Variants in PIGK observed in about 807,000 individuals in gnomAD.
The protein encoded by PIGK is phosphatidylinositol glycan anchor biosynthesis class K.
PIGK carries 42 observed loss-of-function variants against 50.6 expected under a neutral mutation model. The ratio of observed to expected loss-of-function variants is 0.83; its 90% confidence interval spans 0.65 to 1.07. PIGK has a LOEUF of 1.07. Among genes scored for constraint, PIGK ranks in the 50% least tolerant of loss-of-function variants. The pLI is 0.00. For missense variants in PIGK, 448 were observed against 488.7 expected, an observed-to-expected ratio of 0.92 and a Z score of 0.78; for synonymous variants, 151 against 156.0, an observed-to-expected ratio of 0.97 and a Z score of 0.24.
intron 3 of PIGK, among the ~76,000 whole-genome samples, chr1:77,192,937 A>C (rs1655943204): frequency 6.6e-6 from 1 of 152,144 alleles, no homozygotes; most frequent in Non-Finnish European, 1.5e-5. Flanking sequence ...TTTACTTTCT[A>C]AAACCATATC....
chr1:77,203,576 T>C (rs866836446), intron 3 of PIGK, among the ~76,000 whole-genome samples: 2 of 152,154 alleles, frequency 1.3e-5, no homozygotes, highest in Non-Finnish European at 1.5e-5. Context: ...TGAGTCAATA[T>C]TTTCAAATAT....
At chr1:77,106,809 C>A (rs1044051160) in intron 10 of PIGK, among the ~76,000 whole-genome samples, 5 of 151,860 alleles carry the variant, frequency 3.3e-5, no homozygotes, top group Admixed American at 6.6e-5. Flanking sequence ...ATTTATACAT[C>A]TCTCTCTAGC....
At chr1:77,189,486 T>C (rs1655833539) in intron 3 of PIGK, among the ~76,000 whole-genome samples, 2 of 151,770 alleles carry the variant, frequency 1.3e-5, no homozygotes, top group African/African-American at 4.8e-5. Context: ...GCTGCCAGGG[T>C]GGCTAGAATA....
chr1:77,179,736 T>A (rs567321824), intron 3 of PIGK, among the ~76,000 whole-genome samples: 1 of 152,290 alleles, frequency 6.6e-6, no homozygotes, highest in Admixed American at 6.5e-5. Flanking sequence ...GCTGAAGTTT[T>A]TCTTTTAATA....
At chr1:77,159,685 C>T (rs1369373357) in intron 8 of PIGK, among the ~76,000 whole-genome samples, 2 of 152,206 alleles carry the variant, frequency 1.3e-5, no homozygotes, top group Non-Finnish European at 2.9e-5. Context: ...GGTTTAATGA[C>T]TGCCCTATTG....
chr1:77,164,104 A>C (rs1030153409), intron 5 of PIGK, among the ~76,000 whole-genome samples, 162 bp from the exon 6 acceptor site: 1 of 152,232 alleles, frequency 6.6e-6, no homozygotes, highest in African/African-American at 2.4e-5. Context: ...TACTATGCCA[A>C]TTAAAAAGAG....
chr1:77,106,507 C>A (rs1653680937), intron 10 of PIGK, among the ~76,000 whole-genome samples: 1 of 152,068 alleles, frequency 6.6e-6, no homozygotes, highest in African/African-American at 2.4e-5. Context: ...AAAGTAGTCA[C>A]TTTCAGTCAT....
intron 3 of PIGK, among the ~76,000 whole-genome samples, chr1:77,171,060 T>TA (rs1655347339): frequency 7.0e-6 from 1 of 142,890 alleles, no homozygotes; most frequent in Non-Finnish European, 1.5e-5. Context: ...AAACTTGAGA[T>TA]CATTAATTTA....
intron 7 of PIGK, 86 bp downstream of exon 7, chr1:77,161,508 A>G: frequency 1.1e-6 from 1 of 940,024 alleles, no homozygotes; most frequent in Non-Finnish European, 1.8e-6. Flanking sequence ...AAGAAAGAAC[A>G]GATACATTCA....
intron 10 of PIGK, among the ~76,000 whole-genome samples, chr1:77,112,139 G>C (rs1406396834): frequency 6.6e-6 from 1 of 151,882 alleles, no homozygotes; most frequent in South Asian, 2.1e-4. Context: ...AGTTAACTGT[G>C]AATGTTAAAA....
At chr1:77,159,960 C>G (rs999320321) in intron 8 of PIGK, among the ~76,000 whole-genome samples, 5 of 152,150 alleles carry the variant, frequency 3.3e-5, no homozygotes, top group African/African-American at 1.2e-4. Context: ...AATAGGAGCT[C>G]TGGGAGGGGC....
intron 1 of PIGK, among the ~76,000 whole-genome samples, chr1:77,217,919 T>C (rs1656611698): frequency 6.6e-6 from 1 of 152,306 alleles, no homozygotes; most frequent in African/African-American, 2.4e-5. Context: ...ACAGTAATAG[T>C]ATCCAAGATG....
intron 3 of PIGK, among the ~76,000 whole-genome samples, chr1:77,170,177 TTTTTTA>T (rs1655328581): frequency 1.3e-5 from 2 of 152,202 alleles, no homozygotes; most frequent in Admixed American, 1.3e-4. Flanking sequence ...CATTATATCT[TTTTTTA>T]TTTTTATTTT....
Position 77,219,373 on chromosome 1 carries a change from A to T in PIGK, c.30T>A (p.Ala10=), listed in dbSNP as rs559718599. 3.7e-6 allele frequency: 6 copies of T among 1,613,796 alleles called. No individual in the cohort carries two copies. In the South Asian group the frequency reaches 6.6e-5, roughly 18 times the overall value. The change falls in exon 1 of 11, where the codon GCT becomes GCA. Residue 10 remains alanine (A), a synonymous_variant. Transcript: ENST00000370812. MAVTDSLSR[A]ATVLATVLLL... ...GCAACACAGTTGCCAAGACAGTCGC[A>T]GCCCGGCTGAGGCTGTCGGTGACGG...
At chr1:77,102,877 T>C (rs1386726277) in intron 10 of PIGK, among the ~76,000 whole-genome samples, 5 of 152,236 alleles carry the variant, frequency 3.3e-5, no homozygotes, top group Non-Finnish European at 5.9e-5. Flanking sequence ...TAGTCTTCTT[T>C]AGTATATAAA....
intron 10 of PIGK, among the ~76,000 whole-genome samples, chr1:77,093,546 AAAAGG>A (rs1653343456): frequency 6.6e-6 from 1 of 152,154 alleles, no homozygotes; most frequent in Non-Finnish European, 1.5e-5. Context: ...TTTTCAAACT[AAAAGG>A]AAAGAAAGCT....
At chr1:77,141,331 T>A (rs1344201511) in intron 9 of PIGK, among the ~76,000 whole-genome samples, 3 of 152,136 alleles carry the variant, frequency 2.0e-5, no homozygotes, top group Non-Finnish European at 2.9e-5. Flanking sequence ...GCTCTTTACT[T>A]CTTGGGAAAT....
At chr1:77,120,938 A>G (rs1365305109) in intron 10 of PIGK, among the ~76,000 whole-genome samples, 1 of 152,236 alleles carries the variant, frequency 6.6e-6, no homozygotes, top group East Asian at 1.9e-4. Flanking sequence ...CACAGTGTAT[A>G]ACAGTCAAAT....
intron 3 of PIGK, among the ~76,000 whole-genome samples, chr1:77,171,436 C>CAAAAAAAA (rs58788160): frequency 0.07 from 3,269 of 46,802 alleles, 636 homozygotes; most frequent in Non-Finnish European, 0.098. Context: ...GACTCCACCT[C>CAAAAAAAA]AAAAAAAAAA....
Sources: gnomAD v4.1 joint callset for allele counts (sites outside exome capture counted in the v4.1 genomes callset) on GRCh38, gnomAD v4.1.1 for gene constraint, MANE v1.5 for transcripts, NCBI Gene and HGNC (gene_info 2026-07-23, HGNC 2026-07-21) for gene names.